PPP2R2B: variants seen among roughly 807,000 people sequenced by gnomAD.
PPP2R2B encodes the protein protein phosphatase 2 regulatory subunit Bbeta.
PPP2R2B carries 5 observed loss-of-function variants against 46.0 expected under a neutral mutation model. That is an observed-to-expected ratio of 0.11 (90% CI 0.06 to 0.23). The LOEUF is 0.23. PPP2R2B is among the 10% of genes least tolerant of loss of function. PPP2R2B has a pLI of 1.00. For synonymous variants in PPP2R2B, 215 were observed against 206.7 expected (o/e 1.04, Z -0.34); for missense variants, 367 against 575.0 (o/e 0.64, Z 3.70).
At chr5:146,869,844 T>C (rs746956389) in intron 2 of PPP2R2B, among the ~76,000 whole-genome samples, 11 of 152,212 alleles carry the variant, frequency 7.2e-5, no homozygotes, top group Non-Finnish European at 1.6e-4. Flanking sequence ...ACCTCCCAAC[T>C]TGAGTGTCTC....
intron 2 of PPP2R2B, among the ~76,000 whole-genome samples, chr5:147,064,916 G>T (rs1757376590): frequency 6.6e-6 from 1 of 152,158 alleles, no homozygotes; most frequent in African/African-American, 2.4e-5. Flanking sequence ...AATTTTCTTG[G>T]AGTATCCTGT....
intron 2 of PPP2R2B, among the ~76,000 whole-genome samples, chr5:146,868,393 G>A (rs1761430120): frequency 6.6e-6 from 1 of 152,178 alleles, no homozygotes; most frequent in African/African-American, 2.4e-5. Flanking sequence ...TAAAGCCTAT[G>A]GCCATGTTTT....
At chr5:146,993,013 G>C (rs1753767744) in intron 1 of PPP2R2B, among the ~76,000 whole-genome samples, 1 of 152,028 alleles carries the variant, frequency 6.6e-6, no homozygotes, top group Non-Finnish European at 1.5e-5. Context: ...CATGATCTCG[G>C]CTCACTGCAG....
At chr5:146,953,048 C>T (rs752063570) in intron 1 of PPP2R2B, among the ~76,000 whole-genome samples, 1 of 152,160 alleles carries the variant, frequency 6.6e-6, no homozygotes, top group African/African-American at 2.4e-5. Flanking sequence ...TTTAGAATCC[C>T]TGGCTTCACA....
At position 147,064,784 on chromosome 5, in the gene PPP2R2B, A is replaced by T. The variant is rs116742982; in HGVS notation, c.50+16275T>A. Among the ~76,000 whole-genome samples the T allele has an allele frequency of 3.7e-3, 559 of 152,348 alleles. 1 individual carries two copies. Among genetic ancestry groups the T allele is most frequent in the Non-Finnish European group, 6.1e-3 (412 of 68,034 alleles). ...TTTAGGCATCCACTGATACCAGCAC[A>T]TTGAAAAATAGCAGCTCTATTCCAG... On this transcript the variant is annotated intron_variant, in intron 2 of 10. Transcript: ENST00000394413.
rs974452516 is a variant in PPP2R2B at position 146,695,994 on chromosome 5, A to G, written c.334+1985T>C. On this transcript the variant is annotated intron_variant, in intron 4 of 9. Transcript: ENST00000394411. ...GGAAGATAATATCCTTGTTAATCAA[A>G]AAACTATTTAAAAACTCAATTAACA... Among the ~76,000 whole-genome samples, 2 of 152,216 alleles carry G rather than the reference A, an allele frequency of 1.3e-5. 1 individual carries two copies. Among genetic ancestry groups the G allele is most frequent in the Non-Finnish European group, 2.9e-5 (2 of 68,038 alleles).
At chr5:146,619,658 C>T (rs1581730697) in intron 7 of PPP2R2B, among the ~76,000 whole-genome samples, 2 of 152,308 alleles carry the variant, frequency 1.3e-5, no homozygotes, top group African/African-American at 4.8e-5. Context: ...CATACGTCCT[C>T]TGTAAGCTAT....
intron 2 of PPP2R2B, among the ~76,000 whole-genome samples, chr5:146,728,071 A>G (rs1581965844): frequency 6.6e-6 from 1 of 152,112 alleles, no homozygotes; most frequent in East Asian, 1.9e-4. Flanking sequence ...TTTAAATACC[A>G]CAAAGTAACT....
intron 2 of PPP2R2B, among the ~76,000 whole-genome samples, chr5:146,832,354 C>T (rs10062859): frequency 0.18 from 26,723 of 145,314 alleles, 2,824 homozygotes; most frequent in East Asian, 0.44. Flanking sequence ...AAGTGCCCTA[C>T]ACAAGTAAGT....
At chr5:146,861,187 C>G (rs563749218) in intron 2 of PPP2R2B, among the ~76,000 whole-genome samples, 5 of 151,742 alleles carry the variant, frequency 3.3e-5, no homozygotes, top group African/African-American at 1.2e-4. Context: ...TCCTGAGTAG[C>G]TGGGACTACA....
At chr5:146,698,317 A>AAAAAAAAAAAAAAAAAT (rs1250416449) in intron 3 of PPP2R2B, among the ~76,000 whole-genome samples, 173 bp from the exon 4 acceptor site, 1 of 85,626 alleles carries the variant, frequency 1.2e-5, no homozygotes, top group African/African-American at 4.9e-5. Flanking sequence ...AAAAAAAAAA[A>AAAAAAAAAAAAAAAAAT]ATATATATAT....
At chr5:146,914,600 A>T (rs1469307067) in intron 1 of PPP2R2B, among the ~76,000 whole-genome samples, 1 of 152,254 alleles carries the variant, frequency 6.6e-6, no homozygotes, top group East Asian at 1.9e-4. Flanking sequence ...TTAGGCATTC[A>T]TATGGTGTAA....
At chr5:147,008,957 C>T (rs1278846796) in intron 1 of PPP2R2B, among the ~76,000 whole-genome samples, 3 of 152,068 alleles carry the variant, frequency 2.0e-5, no homozygotes, top group Non-Finnish European at 2.9e-5. Flanking sequence ...TAGATTGCAC[C>T]GTTTGGGCCT....
At chr5:146,707,183 T>C (rs1329240667) in intron 2 of PPP2R2B, 17 of 1,580,880 alleles carry the variant, frequency 1.1e-5, no homozygotes, top group Non-Finnish European at 1.5e-5. Flanking sequence ...AGGCTGTTGA[T>C]GTAGCTCTCG....
chr5:147,042,225 C>A (rs1253433065), intron 1 of PPP2R2B, among the ~76,000 whole-genome samples: 2 of 151,974 alleles, frequency 1.3e-5, no homozygotes, highest in South Asian at 2.1e-4. Context: ...TAACTAGACC[C>A]CCCCCTCCCC....
At chr5:146,668,191 A>G (rs200580497) in intron 5 of PPP2R2B, among the ~76,000 whole-genome samples, 8 of 11,300 alleles carry the variant, frequency 7.1e-4, no homozygotes, top group Admixed American at 5.7e-3. Flanking sequence ...GAAAACGATT[A>G]ATTCTCTAGC....
chr5:146,803,976 G>C (rs1757020254), intron 2 of PPP2R2B, among the ~76,000 whole-genome samples: 1 of 152,046 alleles, frequency 6.6e-6, no homozygotes, highest in Admixed American at 6.6e-5. Context: ...GACCATCCTG[G>C]CTAATACGGT....
chr5:146,741,769 A>C (rs1434522537), intron 2 of PPP2R2B, among the ~76,000 whole-genome samples: 1 of 152,220 alleles, frequency 6.6e-6, no homozygotes, highest in Admixed American at 6.5e-5. Flanking sequence ...AATGTAGTCT[A>C]TCATGTCATA....
At chr5:146,745,188 G>A (rs1561873956) in intron 2 of PPP2R2B, among the ~76,000 whole-genome samples, 1 of 133,474 alleles carries the variant, frequency 7.5e-6, no homozygotes, top group Non-Finnish European at 1.7e-5. Flanking sequence ...GAGAGAGAGA[G>A]AGAGAGAGAG....
Sources: gnomAD v4.1 joint callset for allele counts (sites outside exome capture counted in the v4.1 genomes callset) on GRCh38, gnomAD v4.1.1 for gene constraint, MANE v1.5 for transcripts, NCBI Gene and HGNC (gene_info 2026-07-23, HGNC 2026-07-21) for gene names.